The following LRP1B variants were observed in gnomAD, a reference collection of about 807,000 sequenced individuals.
LRP1B encodes the protein LDL receptor related protein 1B, also known as low-density lipoprotein receptor-related protein 1B.
A neutral mutation model predicts 556.6 loss-of-function variants in LRP1B; 217 were observed. The observed-to-expected ratio is 0.39, with a 90% CI of 0.35 to 0.44. The LOEUF (loss-of-function observed/expected upper bound fraction) is 0.44. LRP1B is among the 20% of genes least tolerant of loss of function. The pLI, the probability that LRP1B is intolerant of heterozygous loss-of-function variation, is 1.00. For missense variants in LRP1B, 5,053 were observed against 5,620.8 expected (o/e 0.90, Z 3.23); for synonymous variants, 2,047 against 1,865.8 (o/e 1.10, Z -2.50).
intron 1 of LRP1B, among the ~76,000 whole-genome samples, chr2:141,917,675 C>T (rs1268169083): frequency 6.6e-6 from 1 of 152,170 alleles, no homozygotes; most frequent in East Asian, 1.9e-4. Context: ...GATGTTAGTA[C>T]ATTAACCACT....
intron 29 of LRP1B, among the ~76,000 whole-genome samples, chr2:140,844,359 C>T (rs766318740): frequency 2.6e-5 from 4 of 152,072 alleles, no homozygotes; most frequent in African/African-American, 4.8e-5. Flanking sequence ...CCTAATTAGG[C>T]GCCCAGCCTA....
intron 3 of LRP1B, among the ~76,000 whole-genome samples, chr2:141,278,632 T>G (rs1355871746): frequency 6.6e-6 from 1 of 152,116 alleles, no homozygotes; most frequent in Non-Finnish European, 1.5e-5. Flanking sequence ...TAGCTTATTT[T>G]TATTTCACCT....
intron 41 of LRP1B, among the ~76,000 whole-genome samples, chr2:140,649,685 G>A (rs1250881364): frequency 6.6e-6 from 1 of 152,188 alleles, no homozygotes; most frequent in African/African-American, 2.4e-5. Context: ...ATGCTTGCCT[G>A]TAGTATCAGA....
intron 3 of LRP1B, among the ~76,000 whole-genome samples, chr2:141,416,446 A>ATTTTT (rs34512949): frequency 1.7e-4 from 18 of 103,416 alleles, no homozygotes; most frequent in African/African-American, 3.3e-4. Context: ...TTTGACAGCC[A>ATTTTT]TTTTTTTTTT....
At chr2:140,398,545 G>C (rs1336813827) in intron 66 of LRP1B, among the ~76,000 whole-genome samples, 1 of 108,414 alleles carries the variant, frequency 9.2e-6, no homozygotes, top group East Asian at 3.2e-4. Flanking sequence ...TTTTTGTTTT[G>C]AGAAAGGGTG....
chr2:141,934,546 C>T (rs554033217), intron 1 of LRP1B, among the ~76,000 whole-genome samples: 1 of 151,972 alleles, frequency 6.6e-6, no homozygotes, highest in African/African-American at 2.4e-5. Context: ...TTCAGATTAC[C>T]CATTGATATG....
chr2:141,552,713 C>T (rs1685799006), intron 2 of LRP1B, among the ~76,000 whole-genome samples: 3 of 151,574 alleles, frequency 2.0e-5, no homozygotes, highest in South Asian at 2.1e-4. Flanking sequence ...ATTGGCTTGG[C>T]GGAAAAATGT....
chr2:141,195,943 T>C (rs886635422), intron 6 of LRP1B, among the ~76,000 whole-genome samples: 11 of 151,980 alleles, frequency 7.2e-5, no homozygotes, highest in African/African-American at 2.2e-4. Flanking sequence ...ATGCTAGCCA[T>C]GTGGAATTTG....
chr2:141,545,334 T>C (rs1014381351), intron 2 of LRP1B, among the ~76,000 whole-genome samples: 2 of 152,184 alleles, frequency 1.3e-5, no homozygotes, highest in Non-Finnish European at 2.9e-5. Context: ...TATGTTTTAT[T>C]AGGCTTGTCT....
chr2:141,971,951 C>G (rs1458405127), intron 1 of LRP1B, among the ~76,000 whole-genome samples: 1 of 151,456 alleles, frequency 6.6e-6, no homozygotes, highest in African/African-American at 2.4e-5. Flanking sequence ...TGTGTAAAAT[C>G]TTCACTAGTC....
At chr2:140,846,472 A>G (rs1692277422) in intron 29 of LRP1B, among the ~76,000 whole-genome samples, 1 of 152,006 alleles carries the variant, frequency 6.6e-6, no homozygotes, top group Non-Finnish European at 1.5e-5. Context: ...AAGGAAAATC[A>G]CTTGAACCCA....
intron 31 of LRP1B, among the ~76,000 whole-genome samples, chr2:140,833,376 A>T (rs555329378): frequency 8.5e-4 from 130 of 152,266 alleles, no homozygotes; most frequent in Non-Finnish European, 1.3e-3. Flanking sequence ...GCAAACATTT[A>T]TTTCTTGGCT....
At chr2:141,880,897 G>C (rs886834988) in intron 1 of LRP1B, among the ~76,000 whole-genome samples, 4 of 151,974 alleles carry the variant, frequency 2.6e-5, no homozygotes, top group African/African-American at 9.7e-5. Context: ...ATTCAGGTCA[G>C]TCTGAACAGA....
intron 43 of LRP1B, among the ~76,000 whole-genome samples, chr2:140,565,192 T>C (rs1681080352): frequency 6.6e-6 from 1 of 150,730 alleles, no homozygotes; most frequent in Admixed American, 6.6e-5. Flanking sequence ...TTTTATGACA[T>C]ATATATCTGT....
intron 1 of LRP1B, among the ~76,000 whole-genome samples, chr2:141,901,171 TTC>T (rs1231229137): frequency 1.3e-5 from 2 of 152,032 alleles, no homozygotes; most frequent in Non-Finnish European, 2.9e-5. Flanking sequence ...GGAGTTTTCT[TTC>T]TCTTTTTTCC....
chr2:141,908,181 C>T (rs1699809758), intron 1 of LRP1B, among the ~76,000 whole-genome samples: 1 of 151,904 alleles, frequency 6.6e-6, no homozygotes, highest in African/African-American at 2.4e-5. Flanking sequence ...AATTTTGATC[C>T]CATAGCACTT....
At chr2:141,710,730 G>A (rs533383289) in intron 2 of LRP1B, among the ~76,000 whole-genome samples, 1 of 152,128 alleles carries the variant, frequency 6.6e-6, no homozygotes, top group Admixed American at 6.5e-5. Flanking sequence ...CTCCAACTAA[G>A]ATTTAGAACC....
intron 86 of LRP1B, among the ~76,000 whole-genome samples, chr2:140,252,062 C>CA: frequency 0.027 from 498 of 18,548 alleles, 85 homozygotes; most frequent in African/African-American, 0.048. Context: ...TGACAAGATG[C>CA]AAAAAAAAAA....
rs143411883 is a variant in LRP1B, at chr2:140,939,747, G to A, written c.3136+10488C>T. Among the ~76,000 whole-genome samples the A allele has an allele frequency of 9.5e-4, 144 of 151,612 alleles. 1 individual carries two copies. The highest frequency in any genetic ancestry group is 1.8e-3 in the Admixed American group (27 of 15,208). ...CAATGACAATAAACCAGGGTCAGAT[G>A]TCCCCTCAACATGAAAATCCAAACA... On this transcript the variant is annotated intron_variant, in intron 20 of 90. Transcript: ENST00000389484.
Sources: allele counts gnomAD v4.1 joint callset (sites outside exome capture counted in the v4.1 genomes callset), GRCh38; gene constraint gnomAD v4.1.1; transcripts MANE v1.5; gene names NCBI Gene and HGNC (gene_info 2026-07-23, HGNC 2026-07-21).